CNTN4: variants seen among roughly 807,000 people sequenced by gnomAD.
CNTN4 encodes the protein contactin-4.
In CNTN4, 77 loss-of-function variants were observed where a neutral mutation model predicts 122.5. The observed-to-expected ratio is 0.63, with a 90% CI of 0.52 to 0.76. CNTN4 has a LOEUF of 0.76. Among genes scored for constraint, CNTN4 ranks in the 30% least tolerant of loss-of-function variants. The pLI is 0.00. For synonymous variants in CNTN4, 512 were observed against 447.0 expected (o/e 1.15, Z -1.83); for missense variants, 1,256 against 1,259.1 (o/e 1.00, Z 0.04).
intron 2 of CNTN4, among the ~76,000 whole-genome samples, chr3:2,221,860 C>G (rs1054255469): frequency 6.6e-6 from 1 of 151,988 alleles, no homozygotes; most frequent in Non-Finnish European, 1.5e-5. Flanking sequence ...GTTACAATTA[C>G]TAGGATGGTT....
intron 14 of CNTN4, among the ~76,000 whole-genome samples, chr3:2,995,538 A>G (rs1477264040): frequency 6.6e-6 from 1 of 152,194 alleles, no homozygotes; most frequent in African/African-American, 2.4e-5. Context: ...ACATTTCTCT[A>G]TGCCAACTCT....
intron 8 of CNTN4, among the ~76,000 whole-genome samples, chr3:2,877,025 A>G (rs1188899644): frequency 6.6e-6 from 1 of 152,234 alleles, no homozygotes; most frequent in South Asian, 2.1e-4. Context: ...CAGAAACTCA[A>G]GCCTTTCAGT....
chr3:2,231,767 A>G (rs1051973312), intron 2 of CNTN4, among the ~76,000 whole-genome samples: 3 of 152,252 alleles, frequency 2.0e-5, no homozygotes, highest in Non-Finnish European at 4.4e-5. Context: ...ATTTTACTAT[A>G]GAATGAGAAG....
rs575889106 is a variant in CNTN4, at chr3:2,472,567, G to A, written c.-88-98849G>A. ...AGGACAAATTTTACTTACATGGTAAGCAAGATTATTTTGGAAATGATAGAA... is the reference window on the plus strand; with the variant it reads ...AGGACAAATTTTACTTACATGGTAAACAAGATTATTTTGGAAATGATAGAA... On this transcript the variant is annotated intron_variant, in intron 3 of 24. Coordinates refer to ENST00000418658, the MANE Select transcript of CNTN4 (RefSeq NM_175607.3). Among the ~76,000 whole-genome samples the A allele has an allele frequency of 5.3e-5, 8 of 152,190 alleles. No homozygotes were observed. In the South Asian group the frequency reaches 1.7e-3, roughly 32 times the overall value.
intron 7 of CNTN4, among the ~76,000 whole-genome samples, chr3:2,845,127 C>G (rs950561353): frequency 6.6e-6 from 1 of 151,854 alleles, no homozygotes; most frequent in Non-Finnish European, 1.5e-5. Context: ...GGAAAAGACT[C>G]AAGAAAAACA....
intron 6 of CNTN4, among the ~76,000 whole-genome samples, chr3:2,780,840 A>G (rs142681856): frequency 3.9e-5 from 6 of 152,350 alleles, no homozygotes; most frequent in African/African-American, 1.2e-4. Context: ...AGAGAATTAA[A>G]TTATCTTTAG....
rs1575435164 is a variant in CNTN4, at chr3:2,350,714, A to G, written c.-89+11481A>G. 2.0e-5 allele frequency among the ~76,000 whole-genome samples: 3 copies of G among 152,214 alleles called. No homozygotes were observed. The East Asian group carries it at 5.8e-4, about 29-fold the overall frequency. On this transcript the variant is annotated intron_variant, in intron 3 of 24. Transcript: ENST00000418658. ...AGCGAGAAATGAATAGCTCTCAGTC[A>G]ATATTTAATTGATGCTTATACATTG... is the stretch of plus-strand genomic sequence containing the variant.
chr3:2,509,542 G>A (rs997554027), intron 3 of CNTN4, among the ~76,000 whole-genome samples: 3 of 152,048 alleles, frequency 2.0e-5, no homozygotes, highest in Admixed American at 6.6e-5. Context: ...AAATCTATTC[G>A]AGGGCATGGA....
chr3:2,235,581 T>C (rs1301904458), intron 2 of CNTN4, among the ~76,000 whole-genome samples: 1 of 152,168 alleles, frequency 6.6e-6, no homozygotes, highest in African/African-American at 2.4e-5. Flanking sequence ...GTTAACTGTT[T>C]AGTAAGAGGA....
chr3:2,537,219 G>A (rs1476391804), intron 3 of CNTN4, among the ~76,000 whole-genome samples: 2 of 152,138 alleles, frequency 1.3e-5, no homozygotes, highest in Non-Finnish European at 2.9e-5. Context: ...CACACAGACA[G>A]TTGGAATACT....
rs569800798 is a variant in CNTN4 at position 3,057,850 on chromosome 3, A to C, written c.*1630A>C. The C allele has an allele frequency of 2.4e-4, 37 of 152,792 alleles. No homozygotes were observed. The highest frequency in any genetic ancestry group is 8.7e-4 in the African/African-American group (36 of 41,588). 9.5% of individuals were successfully genotyped at this position (152,792 alleles called of 1,614,324 possible). ...GCAAAATAATAAAATGAACGAAAAA[A>C]AATGACACCCAGGGAGTTCCCAACC... On this transcript the variant is annotated 3_prime_UTR_variant, in exon 25 of 25. Transcript: ENST00000418658.
chr3:2,819,382 A>G (rs2092812502), intron 6 of CNTN4, 104 bp from the exon 7 acceptor site: 2 of 853,768 alleles, frequency 2.3e-6, no homozygotes, highest in African/African-American at 1.7e-5. Flanking sequence ...GGTGCTACCA[A>G]CGCAGTTTTG....
chr3:2,360,033 C>T lies in CNTN4; in HGVS notation c.-89+20800C>T, dbSNP rs552625595. ...TACAGACTTAGAAGGAAAAAACTAC[C>T]AGGCATTATCTGCCAGATCTTCTCA... On this transcript the variant is annotated intron_variant, in intron 3 of 24. Coordinates refer to ENST00000418658, the MANE Select transcript of CNTN4 (RefSeq NM_175607.3). 2.0e-5 allele frequency among the ~76,000 whole-genome samples: 3 copies of T among 152,314 alleles called. No homozygotes were observed. In the East Asian group the frequency reaches 5.8e-4, roughly 29 times the overall value.
At chr3:2,180,435 C>A (rs1209521371) in intron 2 of CNTN4, among the ~76,000 whole-genome samples, 1 of 151,908 alleles carries the variant, frequency 6.6e-6, no homozygotes, top group Admixed American at 6.6e-5. Flanking sequence ...CATCTTTGAC[C>A]ACAGATTTTG....
At chr3:2,788,863 T>A (rs2091919242) in intron 6 of CNTN4, among the ~76,000 whole-genome samples, 1 of 152,048 alleles carries the variant, frequency 6.6e-6, no homozygotes, top group East Asian at 1.9e-4. Context: ...ACAAGAAAAA[T>A]TTTCTTTTTT....
intron 7 of CNTN4, among the ~76,000 whole-genome samples, chr3:2,848,088 G>A (rs1297205713): frequency 6.6e-6 from 1 of 151,646 alleles, no homozygotes; most frequent in Admixed American, 6.6e-5. Flanking sequence ...TCTCTACTAA[G>A]AATAAAAAAA....
chr3:2,661,538 C>A (rs1379583318), intron 4 of CNTN4, among the ~76,000 whole-genome samples: 2 of 151,478 alleles, frequency 1.3e-5, no homozygotes, highest in East Asian at 1.9e-4. Context: ...CCTGGCCAGG[C>A]GTGGTGGCTC....
At chr3:2,955,806 T>G (rs1003505538) in intron 13 of CNTN4, among the ~76,000 whole-genome samples, 4 of 152,170 alleles carry the variant, frequency 2.6e-5, no homozygotes, top group Non-Finnish European at 5.9e-5. Context: ...TGGTCAAAAG[T>G]GACAGATATT....
chr3:2,412,351 A>G (rs113555646), intron 3 of CNTN4, among the ~76,000 whole-genome samples: 6 of 151,980 alleles, frequency 3.9e-5, no homozygotes, highest in African/African-American at 1.4e-4. Flanking sequence ...TCCCGGGTTC[A>G]AGTGATTCTC....
Sources: allele counts gnomAD v4.1 joint callset (sites outside exome capture counted in the v4.1 genomes callset), GRCh38; gene constraint gnomAD v4.1.1; transcripts MANE v1.5; gene names NCBI Gene and HGNC (gene_info 2026-07-23, HGNC 2026-07-21).